The following ZNF831 variants were observed in gnomAD, a reference collection of about 807,000 sequenced individuals.
ZNF831 encodes chromosome 20 open reading frame 174.
A neutral mutation model predicts 95.8 loss-of-function variants in ZNF831; 59 were observed. The observed-to-expected ratio is 0.62, with a 90% CI of 0.50 to 0.77. ZNF831 has a LOEUF of 0.77. Among genes scored for constraint, ZNF831 ranks in the 30% least tolerant of loss-of-function variants. The pLI is 0.00. For synonymous variants in ZNF831, 961 were observed against 925.5 expected (o/e 1.04, Z -0.70); for missense variants, 2,205 against 2,164.0 (o/e 1.02, Z -0.38).
chr20:59,205,265 C>T (rs1322649223), intron 3 of ZNF831, among the ~76,000 whole-genome samples: 2 of 152,198 alleles, frequency 1.3e-5, no homozygotes, highest in African/African-American at 4.8e-5. Context: ...TGAAATCTCT[C>T]TCCACCCAGG....
chr20:59,126,785 C>T (rs1047695094), intron 1 of ZNF831, among the ~76,000 whole-genome samples: 4 of 152,214 alleles, frequency 2.6e-5, no homozygotes, highest in Non-Finnish European at 4.4e-5. Context: ...CTTGCTTGTC[C>T]TCTAGGACAA....
chr20:59,214,513 C>A (rs1985551434), intron 4 of ZNF831, among the ~76,000 whole-genome samples: 1 of 152,198 alleles, frequency 6.6e-6, no homozygotes, highest in South Asian at 2.1e-4. Context: ...GCCACTCAGT[C>A]AAAGACCGTC....
chr20:59,237,802 A>G (rs1230712161), intron 4 of ZNF831, among the ~76,000 whole-genome samples: 1 of 152,176 alleles, frequency 6.6e-6, no homozygotes, highest in African/African-American at 2.4e-5. Flanking sequence ...TACAGCTTGT[A>G]GTGCTGTAGT....
At position 59,167,497 on chromosome 20, in the gene ZNF831, G is replaced by C. The variant is rs1163891688; in HGVS notation, c.-37+3290G>C. On this transcript the variant is annotated intron_variant, in intron 1 of 5. Coordinates refer to ENST00000371030, the MANE Select transcript of ZNF831 (RefSeq NM_178457.3). ...TTTCCTTTTATGGCTCATACTTTTTGTTTCAAGTCTAGGAACTCTTTCCCA... is the reference window on the plus strand; with the variant it reads ...TTTCCTTTTATGGCTCATACTTTTTCTTTCAAGTCTAGGAACTCTTTCCCA... 2.0e-5 allele frequency among the ~76,000 whole-genome samples: 3 copies of C among 149,342 alleles called. No homozygotes were observed. In the East Asian group the frequency reaches 5.8e-4, roughly 29 times the overall value.
At chr20:59,130,799 G>T (rs749264749) in intron 1 of ZNF831, among the ~76,000 whole-genome samples, 21 of 152,220 alleles carry the variant, frequency 1.4e-4, no homozygotes, top group Non-Finnish European at 2.8e-4. Flanking sequence ...GGGAGTTGGG[G>T]ACAGTTTTCT....
intron 5 of ZNF831, 29 bp from the exon 6 acceptor site, chr20:59,253,869 C>CCGGGG: frequency 1.9e-5 from 20 of 1,067,462 alleles, no homozygotes; most frequent in East Asian, 9.2e-5. Flanking sequence ...TCCCCCCCCA[C>CCGGGG]TTTTTTTTTC....
At chr20:59,143,054 C>T (rs1475920739) in intron 1 of ZNF831, among the ~76,000 whole-genome samples, 2 of 152,140 alleles carry the variant, frequency 1.3e-5, no homozygotes, top group Non-Finnish European at 2.9e-5. Flanking sequence ...TGTGCACTAC[C>T]ACACCTGGCT....
intron 1 of ZNF831, among the ~76,000 whole-genome samples, chr20:59,124,764 G>A (rs935766340): frequency 6.6e-6 from 1 of 152,232 alleles, no homozygotes; most frequent in Admixed American, 6.5e-5. Context: ...GAGAGGCTCA[G>A]TGTGGAATAA....
At chr20:59,211,021 C>T (rs1370326142) in intron 4 of ZNF831, among the ~76,000 whole-genome samples, 3 of 67,612 alleles carry the variant, frequency 4.4e-5, no homozygotes, top group Non-Finnish European at 5.0e-5. Flanking sequence ...GCCTGGGCGA[C>T]AGAGCGAGAC....
chr20:59,205,724 GGGAA>G (rs889880444), intron 3 of ZNF831, among the ~76,000 whole-genome samples: 7 of 152,192 alleles, frequency 4.6e-5, no homozygotes, highest in African/African-American at 1.7e-4. Context: ...GGCTTGTAAA[GGGAA>G]GGGATTACTT....
chr20:59,175,621 G>A (rs1427905905), intron 1 of ZNF831, among the ~76,000 whole-genome samples: 1 of 151,872 alleles, frequency 6.6e-6, no homozygotes, highest in Non-Finnish European at 1.5e-5. Flanking sequence ...TATCTTCTAT[G>A]TCTTTGCTGG....
chr20:59,235,148 C>T (rs1490174093), intron 4 of ZNF831, among the ~76,000 whole-genome samples: 1 of 152,086 alleles, frequency 6.6e-6, no homozygotes, highest in Non-Finnish European at 1.5e-5. Context: ...ATATTTTCCT[C>T]ATGATGAGTC....
Position 59,254,889 on chromosome 20 carries a change from C to A in ZNF831, c.*146C>A. The A allele has an allele frequency of 1.7e-6, 2 of 1,155,188 alleles. No individual in the cohort carries two copies. The highest frequency in any genetic ancestry group is 2.4e-6 in the Non-Finnish European group (2 of 833,420). The allele number at this position is 1,155,188 out of a possible 1,614,324, so 71.6% of individuals were successfully genotyped here. ...TTTTGAGTTATTTACAAGCCAACTC[C>A]AACCAACTTCTGACCCCCAACTCAG... On this transcript the variant is annotated 3_prime_UTR_variant, in exon 6 of 6. Transcript: ENST00000371030. This position sits in a 1 kb window ranked among gnomAD's most constrained non-coding sequence, Gnocchi z 4.5.
At chr20:59,128,964 TTGTTGGCCAGG>T (rs1262204948) in intron 1 of ZNF831, among the ~76,000 whole-genome samples, 1 of 152,080 alleles carries the variant, frequency 6.6e-6, no homozygotes, top group Non-Finnish European at 1.5e-5. Flanking sequence ...GTTTCACCCG[TTGTTGGCCAGG>T]CTAGTCTCGA....
At chr20:59,245,859 C>G (rs1403896955) in intron 4 of ZNF831, among the ~76,000 whole-genome samples, 1 of 152,144 alleles carries the variant, frequency 6.6e-6, no homozygotes, top group Non-Finnish European at 1.5e-5. Flanking sequence ...AAAAAGTGAT[C>G]AAAACACGTT....
At position 59,254,432 on chromosome 20, in the gene ZNF831, A is replaced by T. The variant is rs2146769618; in HGVS notation, c.4723A>T (p.Ser1575Cys). The T allele has an allele frequency of 6.2e-7, 1 of 1,614,218 alleles. No individual in the cohort carries two copies. The highest frequency in any genetic ancestry group is 8.5e-7 in the Non-Finnish European group (1 of 1,180,038). Residue 1575 changes from serine (S) to cysteine (C), a missense_variant, in exon 6 of 6, where the codon AGT (serine) becomes TGT (cysteine). Coordinates refer to ENST00000371030, the MANE Select transcript of ZNF831 (RefSeq NM_178457.3). This position sits in a 1 kb window ranked among gnomAD's most constrained non-coding sequence, Gnocchi z 4.5. ...THLEIPASGP[S>C]SASSHHKEGR... ...TCTTGAAATACCAGCTTCAGGACCA[A>T]GTTCAGCTAGTTCACACCACAAGGA...
At chr20:59,224,509 C>G (rs1986311677) in intron 4 of ZNF831, among the ~76,000 whole-genome samples, 1 of 152,236 alleles carries the variant, frequency 6.6e-6, no homozygotes, top group African/African-American at 2.4e-5. Flanking sequence ...CTTGACGAAT[C>G]CGACTGTTCT....
intron 4 of ZNF831, among the ~76,000 whole-genome samples, chr20:59,211,154 G>C (rs1985304055): frequency 6.6e-6 from 1 of 152,050 alleles, no homozygotes; most frequent in Non-Finnish European, 1.5e-5. Flanking sequence ...ATTCCTGCTG[G>C]GAACACAGCT....
At chr20:59,149,244 A>G (rs1043126026) in intron 2 of ZNF831, among the ~76,000 whole-genome samples, 1 of 152,178 alleles carries the variant, frequency 6.6e-6, no homozygotes, top group Non-Finnish European at 1.5e-5. Context: ...GCTGCTTTGC[A>G]ATTTCTTTCT....
Sources: gnomAD v4.1 joint callset for allele counts (sites outside exome capture counted in the v4.1 genomes callset) on GRCh38, gnomAD v4.1.1 for gene constraint, Gnocchi (gnomAD v3.1) non-coding constraint, MANE v1.5 for transcripts, NCBI Gene and HGNC (gene_info 2026-07-23, HGNC 2026-07-21) for gene names.